TBL1Y: variants seen among roughly 807,000 people sequenced by gnomAD.
TBL1Y encodes F-box-like/WD repeat-containing protein TBL1Y.
A neutral mutation model predicts 12.0 loss-of-function variants in TBL1Y; 15 were observed. That is an observed-to-expected ratio of 1.25 (90% CI 0.83 to 1.92). The LOEUF is 1.92. Ranked by LOEUF, TBL1Y falls within the 40% of genes most tolerant of loss-of-function variation. The pLI is 0.00. For synonymous variants in TBL1Y, 53 were observed against 42.6 expected, an observed-to-expected ratio of 1.24 and a Z score of -0.95; for missense variants, 148 against 116.7, an observed-to-expected ratio of 1.27 and a Z score of -1.24.
intron 4 of TBL1Y, among the ~76,000 whole-genome samples, chrY:7,016,659 C>T (rs753210324): frequency 7.9e-3 from 262 of 33,087 alleles, no homozygotes; most frequent in Middle Eastern, 0.028. Flanking sequence ...AGCAGTACTC[C>T]GGTATGCAGT....
intron 7 of TBL1Y, among the ~76,000 whole-genome samples, chrY:7,052,272 A>G (rs2012801800): frequency 3.0e-5 from 1 of 33,749 alleles, no homozygotes; most frequent in African/African-American, 1.2e-4. Context: ...TTTGGTAGAC[A>G]CAACATATAA....
At chrY:6,960,152 A>C in intron 2 of TBL1Y, among the ~76,000 whole-genome samples, 1 of 33,535 alleles carries the variant, frequency 3.0e-5, no homozygotes, top group Non-Finnish European at 7.4e-5. Context: ...CGGTCAGTCC[A>C]TGGACACAGG....
rs35028329 is a variant in TBL1Y, at chrY:7,085,161, TACACACACAC to T, written c.1078-711_1078-702del. On this transcript the variant is annotated intron_variant, in intron 14 of 18. Coordinates refer to ENST00000383032, the MANE Select transcript of TBL1Y (RefSeq NM_033284.2). ...TGGGCAACCCCATCTCTGTAAAAAA[TACACACACAC>T]ACACACACACACACACACACACACA... Among the ~76,000 whole-genome samples, 8 of 16,912 alleles carry T rather than the reference TACACACACAC, an allele frequency of 4.7e-4. No homozygotes were observed. The East Asian group carries it at 6.7e-3, about 14-fold the overall frequency. The allele number at this position is 16,912 out of a possible 37,273, so 45.4% of individuals were successfully genotyped here. A position where few individuals can be genotyped will look rare whatever the true frequency, so the allele number is the denominator to read the frequency against.
At chrY:6,958,914 T>C (rs752790642) in intron 2 of TBL1Y, among the ~76,000 whole-genome samples, 41 of 33,947 alleles carry the variant, frequency 1.2e-3, no homozygotes, top group African/African-American at 3.7e-3. Flanking sequence ...AGACAGTGGC[T>C]TTCCTCTATC....
intron 8 of TBL1Y, 41 bp downstream of exon 8, chrY:7,064,190 G>C (rs1400353004): frequency 4.8e-5 from 19 of 393,762 alleles, no homozygotes; most frequent in Non-Finnish European, 6.1e-5. Flanking sequence ...GCCTCTCTGG[G>C]TTCATTGTTT....
chrY:7,070,322 C>A lies in TBL1Y; in HGVS notation c.584C>A (p.Ala195Asp), dbSNP rs1412238416. 2.5e-6 allele frequency: 1 copy of A among 397,649 alleles called. No individual in the cohort carries two copies. Among genetic ancestry groups the A allele is most frequent in the Admixed American group, 7.4e-5 (1 of 13,471 alleles). Residue 195 changes from alanine to aspartate, a missense_variant, in exon 9 of 19, where the codon GCC becomes GAC. Physicochemically the swap from Ala to Asp is moderately radical, Grantham distance 126 (BLOSUM62 -2). Coordinates refer to ENST00000383032, the MANE Select transcript of TBL1Y (RefSeq NM_033284.2). Reference sequence around the variant, plus strand: ...TGGAACCCTGTCAGTGATTTGCTAGCCTCTGGGTAAGGAAGTCAGGATGGG... The same window carrying A: ...TGGAACCCTGTCAGTGATTTGCTAGACTCTGGGTAAGGAAGTCAGGATGGG... Reference protein sequence around the residue: ...CAWNPVSDLLASGSGDSTARI... With the variant: ...CAWNPVSDLLDSGSGDSTARI...
chrY:6,951,607 A>G, intron 2 of TBL1Y, among the ~76,000 whole-genome samples: 1 of 32,957 alleles, frequency 3.0e-5, no homozygotes, highest in Non-Finnish European at 7.4e-5. Flanking sequence ...AGTTTTGCTG[A>G]TCTTTTCAAA....
At chrY:6,962,611 A>G (rs2012135378) in intron 2 of TBL1Y, among the ~76,000 whole-genome samples, 1 of 34,061 alleles carries the variant, frequency 2.9e-5, no homozygotes, top group South Asian at 6.6e-4. Flanking sequence ...TTTTGGCCTG[A>G]TGTAAGCTGC....
intron 2 of TBL1Y, among the ~76,000 whole-genome samples, chrY:6,924,016 T>A: frequency 3.0e-5 from 1 of 32,800 alleles, no homozygotes; most frequent in Non-Finnish European, 7.4e-5. Context: ...AGACAGGTCT[T>A]GCTGTATTGC....
intron 8 of TBL1Y, among the ~76,000 whole-genome samples, chrY:7,066,113 A>C: frequency 2.9e-5 from 1 of 34,059 alleles, no homozygotes; most frequent in Non-Finnish European, 7.3e-5. Flanking sequence ...ACTCCCATTT[A>C]TAAATAGTCG....
At chrY:7,012,819 C>T in intron 4 of TBL1Y, among the ~76,000 whole-genome samples, 7 of 34,342 alleles carry the variant, frequency 2.0e-4, no homozygotes, top group African/African-American at 7.9e-4. Flanking sequence ...CTGCACCCTT[C>T]GCTCAGATGG....
intron 2 of TBL1Y, among the ~76,000 whole-genome samples, chrY:6,924,745 A>G (rs2011815628): frequency 3.0e-5 from 1 of 33,422 alleles, no homozygotes; most frequent in South Asian, 6.8e-4. Context: ...TGTATTTTCT[A>G]AAAGCAGCTG....
intron 16 of TBL1Y, 45 bp downstream of exon 16, chrY:7,086,462 G>A: frequency 5.6e-6 from 2 of 359,968 alleles, no homozygotes; most frequent in Non-Finnish European, 7.7e-6. Context: ...CCTACACAAC[G>A]ATAACAAGAA....
intron 7 of TBL1Y, 65 bp from the exon 8 acceptor site, chrY:7,063,832 T>C: frequency 5.2e-6 from 2 of 381,263 alleles, no homozygotes; most frequent in African/African-American, 6.3e-5. Flanking sequence ...GCCCAGAGAG[T>C]AGAGACCATT....
intron 7 of TBL1Y, among the ~76,000 whole-genome samples, chrY:7,043,527 A>AAAATAAAT (rs559433562): frequency 2.1e-4 from 6 of 28,392 alleles, no homozygotes; most frequent in East Asian, 1.7e-3. Context: ...CCATATATCT[A>AAAATAAAT]AAATAAATAA....
rs764560554 is a variant in TBL1Y at position 7,083,026 on chromosome Y, T to A, written c.1077+2173T>A. 7.7e-4 allele frequency among the ~76,000 whole-genome samples: 26 copies of A among 33,733 alleles called. No individual in the cohort carries two copies. The East Asian group carries it at 0.02, about 26-fold the overall frequency. 90.5% of individuals were successfully genotyped at this position (33,733 alleles called of 37,273 possible). A position where few individuals can be genotyped will look rare whatever the true frequency, so the allele number is the denominator to read the frequency against. On this transcript the variant is annotated intron_variant, in intron 14 of 18. Transcript: ENST00000383032. ...ACAGGCATTTGTTATCCTGTTTACA[T>A]CTCCTGGCTCCAAACTGACTCTTTT...
chrY:7,041,808 C>T, intron 6 of TBL1Y, among the ~76,000 whole-genome samples: 2 of 32,644 alleles, frequency 6.1e-5, no homozygotes, highest in African/African-American at 1.2e-4. Flanking sequence ...GCTTCCCCAT[C>T]GCCCCTAGAC....
At chrY:6,931,869 C>A (rs2011867839) in intron 2 of TBL1Y, among the ~76,000 whole-genome samples, 2 of 33,374 alleles carry the variant, frequency 6.0e-5, no homozygotes, top group African/African-American at 2.3e-4. Context: ...TTTGAATTTT[C>A]TTTTCTTTAC....
rs747846673 is a variant in TBL1Y, at chrY:7,043,006, G to A, written c.85G>A (p.Gly29Arg). The A allele has an allele frequency of 2.5e-6, 1 of 396,209 alleles. No homozygotes were observed. The highest frequency in any genetic ancestry group is 3.0e-5 in the South Asian group (1 of 33,239). ...SGFSHSAFTFGIESHISQSNI... is the reference protein window; with the variant it reads ...SGFSHSAFTFRIESHISQSNI... The stretch of plus-strand genomic sequence containing the variant: ...TTTTTCTCACTCGGCTTTCACGTTT[G>A]GGATCGAGAGCCACATCAGCCAGTC... The change falls in exon 7 of 19, where the codon GGG becomes AGG. Residue 29 changes from glycine (G) to arginine (R), a missense_variant. Transcript: ENST00000383032.
Sources: allele counts gnomAD v4.1 joint callset (sites outside exome capture counted in the v4.1 genomes callset), GRCh38; gene constraint gnomAD v4.1.1; transcripts MANE v1.5; gene names NCBI Gene and HGNC (gene_info 2026-07-23, HGNC 2026-07-21).